The following SLC25A31 variants were observed in gnomAD, a reference collection of about 807,000 sequenced individuals.
SLC25A31 encodes the protein ADP/ATP translocase 4.
Under a neutral mutation model 36.2 loss-of-function variants are expected in SLC25A31, and 40 were observed. The observed-to-expected ratio is 1.10, with a 90% CI of 0.86 to 1.44. The LOEUF is 1.44. SLC25A31 is among the 40% of genes most tolerant of loss of function. The pLI is 0.00. For missense variants in SLC25A31, 350 were observed against 397.1 expected (o/e 0.88, Z 1.01); for synonymous variants, 143 against 149.7 (o/e 0.96, Z 0.32).
chr4:127,768,919 T>A (rs1732298579), intron 5 of SLC25A31, 42 bp downstream of exon 5: 1 of 1,519,388 alleles, frequency 6.6e-7, no homozygotes, highest in African/African-American at 1.4e-5. Context: ...GAGTTTTTAA[T>A]ATCTCTGATA....
chr4:127,750,716 T>G (rs1220829148), intron 2 of SLC25A31, among the ~76,000 whole-genome samples: 1 of 151,982 alleles, frequency 6.6e-6, no homozygotes, highest in Non-Finnish European at 1.5e-5. Flanking sequence ...GTGTTTTATG[T>G]GAGCCCCATG....
At chr4:127,735,549 G>T (rs1236709735) in intron 1 of SLC25A31, among the ~76,000 whole-genome samples, 1 of 152,012 alleles carries the variant, frequency 6.6e-6, no homozygotes, top group Admixed American at 6.5e-5. Context: ...AGCTCCATAA[G>T]ATCAGGAACA....
chr4:127,749,541 C>G (rs150025000), intron 2 of SLC25A31, among the ~76,000 whole-genome samples: 2 of 152,034 alleles, frequency 1.3e-5, no homozygotes, highest in East Asian at 1.9e-4. Flanking sequence ...GTCAGCAGAT[C>G]GAGACCATCC....
intron 1 of SLC25A31, among the ~76,000 whole-genome samples, chr4:127,743,130 CTTTTTTT>C (rs57035802): frequency 2.3e-5 from 3 of 128,064 alleles, no homozygotes; most frequent in East Asian, 4.5e-4. Context: ...TTTTTCTTTT[CTTTTTTT>C]TTTTTTTTTT....
At chr4:127,738,610 A>AT (rs1731676328) in intron 1 of SLC25A31, among the ~76,000 whole-genome samples, 1 of 152,094 alleles carries the variant, frequency 6.6e-6, no homozygotes, top group South Asian at 2.1e-4. Context: ...TATTCTATAG[A>AT]TGTCTATTAG....
At chr4:127,751,718 ATT>A (rs1190661277) in intron 2 of SLC25A31, among the ~76,000 whole-genome samples, 2 of 152,190 alleles carry the variant, frequency 1.3e-5, no homozygotes, top group Admixed American at 6.5e-5. Context: ...ACTCAAACAA[ATT>A]TACAAGAAAA....
chr4:127,738,147 C>A (rs570133858), intron 1 of SLC25A31, among the ~76,000 whole-genome samples: 138 of 152,292 alleles, frequency 9.1e-4, no homozygotes, highest in African/African-American at 3.2e-3. Context: ...CAGCTCACTG[C>A]AGCCTTGGCC....
In SLC25A31 at chr4:127,772,813, A is replaced by T. The variant is rs113527401; in HGVS notation, c.760-573A>T. ...TTTTTTTTTTTTGAGACAGGGTCTT[A>T]CCCTGTCACTTAGGCTAGAGTGCAA... On this transcript the variant is annotated intron_variant, in intron 5 of 5. Transcript: ENST00000281154. Among the ~76,000 whole-genome samples, 1,285 of 131,852 alleles carry T rather than the reference A, an allele frequency of 9.7e-3. 21 individuals are homozygous for T. The highest frequency in any genetic ancestry group is 0.034 in the African/African-American group (1,194 of 34,888). The allele number at this position is 131,852 out of a possible 152,430, so 86.5% of individuals were successfully genotyped here. A position where few individuals can be genotyped will look rare whatever the true frequency, so the allele number is the denominator to read the frequency against.
At chr4:127,744,845 T>TCCATCCAATATAAATTTC in intron 2 of SLC25A31, 46 bp downstream of exon 2, 1 of 1,307,082 alleles carries the variant, frequency 7.7e-7, no homozygotes, top group Middle Eastern at 2.7e-4. Flanking sequence ...ATAGAAATTT[T>TCCATCCAATATAAATTTC]CCATCCAATA....
chr4:127,767,173 A>T lies in SLC25A31; in HGVS notation c.586A>T (p.Ile196Phe). The change falls in exon 4 of 6, where the codon ATC becomes TTC. Residue 196 changes from isoleucine (I) to phenylalanine (F), a missense_variant. Transcript: ENST00000281154. ...AGGGTTTGGTGTTTCAGTACAGGGCATCATTGTGTACCGAGCCTCTTATTT... is the reference window on the plus strand; with the variant it reads ...AGGGTTTGGTGTTTCAGTACAGGGCTTCATTGTGTACCGAGCCTCTTATTT... ...YQGFGVSVQG[I>F]IVYRASYFGA... 1 of 1,613,098 alleles carries T rather than the reference A, an allele frequency of 6.2e-7. No individual in the cohort carries two copies. The highest frequency in any genetic ancestry group is 1.3e-5 in the African/African-American group (1 of 75,020).
chr4:127,766,016 G>A (rs1301352167), intron 3 of SLC25A31, among the ~76,000 whole-genome samples: 1 of 151,894 alleles, frequency 6.6e-6, no homozygotes, highest in African/African-American at 2.4e-5. Context: ...TCTTGGTCAA[G>A]GGAAAAGAAA....
At chr4:127,739,937 C>A (rs899184922) in intron 1 of SLC25A31, among the ~76,000 whole-genome samples, 9 of 152,000 alleles carry the variant, frequency 5.9e-5, no homozygotes, top group African/African-American at 2.2e-4. Context: ...TCATTGATTT[C>A]TTTTGAAGAT....
chr4:127,750,691 T>C (rs552657669), intron 2 of SLC25A31, among the ~76,000 whole-genome samples: 2 of 152,256 alleles, frequency 1.3e-5, no homozygotes, highest in African/African-American at 4.8e-5. Flanking sequence ...TAAATTAGAA[T>C]ATTGTAATTA....
At chr4:127,767,663 A>G (rs2148765193) in intron 4 of SLC25A31, among the ~76,000 whole-genome samples, 2 of 148,588 alleles carry the variant, frequency 1.3e-5, no homozygotes, top group Admixed American at 1.3e-4. Context: ...TTGGTTATCT[A>G]CCGGATACTG....
intron 3 of SLC25A31, among the ~76,000 whole-genome samples, chr4:127,765,935 A>C (rs1404925508): frequency 6.6e-6 from 1 of 152,140 alleles, no homozygotes; most frequent in Non-Finnish European, 1.5e-5. Flanking sequence ...CTTTCAAATC[A>C]GGAAGATTTA....
intron 2 of SLC25A31, among the ~76,000 whole-genome samples, chr4:127,763,599 T>A (rs1732183389): frequency 6.6e-6 from 1 of 152,218 alleles, no homozygotes; most frequent in Non-Finnish European, 1.5e-5. Flanking sequence ...ATAGCTCATG[T>A]GAACTAGTAG....
At chr4:127,746,524 T>C (rs1424031851) in intron 2 of SLC25A31, among the ~76,000 whole-genome samples, 1 of 152,198 alleles carries the variant, frequency 6.6e-6, no homozygotes. Flanking sequence ...TTTGCATTTT[T>C]CTAATGATCA....
At chr4:127,730,942 A>G (rs1385364807) in intron 1 of SLC25A31, among the ~76,000 whole-genome samples, 165 bp downstream of exon 1, 3 of 152,138 alleles carry the variant, frequency 2.0e-5, no homozygotes, top group Non-Finnish European at 2.9e-5. Flanking sequence ...TCTGAACCTA[A>G]CAGGCTCTGC....
At chr4:127,745,123 A>G (rs1033714523) in intron 2 of SLC25A31, among the ~76,000 whole-genome samples, 3 of 152,182 alleles carry the variant, frequency 2.0e-5, no homozygotes, top group Non-Finnish European at 4.4e-5. Flanking sequence ...TTTTAAGCGC[A>G]GAAAGAAATC....
Sources: allele counts gnomAD v4.1 joint callset (sites outside exome capture counted in the v4.1 genomes callset), GRCh38; gene constraint gnomAD v4.1.1; transcripts MANE v1.5; gene names NCBI Gene and HGNC (gene_info 2026-07-23, HGNC 2026-07-21).